FTCDNL1: variants seen among roughly 807,000 people sequenced by gnomAD.
FTCDNL1 encodes formiminotransferase cyclodeaminase N-terminal like, also known as formiminotransferase N-terminal subdomain-containing protein.
A neutral mutation model predicts 5.9 loss-of-function variants in FTCDNL1; 11 were observed. That is an observed-to-expected ratio of 1.87 (90% CI 1.18 to 3.10). The LOEUF (loss-of-function observed/expected upper bound fraction) is 3.10. Among genes scored for constraint, FTCDNL1 ranks in the 30% most tolerant of loss-of-function variants. The pLI, the probability that FTCDNL1 is intolerant of heterozygous loss-of-function variation, is 0.00. For missense variants in FTCDNL1, 115 were observed against 65.5 expected, an observed-to-expected ratio of 1.76 and a Z score of -2.61; for synonymous variants, 58 against 24.8, an observed-to-expected ratio of 2.34 and a Z score of -3.99.
chr2:199,698,230 G>A, the FTCDNL1 span, among the ~76,000 whole-genome samples: 1 of 152,036 alleles, frequency 6.6e-6, no homozygotes, highest in Admixed American at 6.6e-5. Context: ...TATCACTGAA[G>A]CAGAATACTA....
chr2:199,715,589 C>T, the FTCDNL1 span, among the ~76,000 whole-genome samples: 1 of 152,140 alleles, frequency 6.6e-6, no homozygotes, highest in Non-Finnish European at 1.5e-5. Context: ...ATTACCCAGT[C>T]TCGGGTATTT....
chr2:199,687,654 G>T, the FTCDNL1 span, among the ~76,000 whole-genome samples: 3 of 151,966 alleles, frequency 2.0e-5, no homozygotes, highest in African/African-American at 7.3e-5. Context: ...ATGGCCCAGG[G>T]ATAGTTTTTC....
intron 3 of FTCDNL1, among the ~76,000 whole-genome samples, chr2:199,788,349 G>C (rs757873135): frequency 6.6e-6 from 1 of 152,080 alleles, no homozygotes; most frequent in Non-Finnish European, 1.5e-5. Context: ...TATTTTTTTA[G>C]TAGATATTTT....
At chr2:199,788,796 C>T (rs982570511) in intron 3 of FTCDNL1, among the ~76,000 whole-genome samples, 2 of 151,578 alleles carry the variant, frequency 1.3e-5, no homozygotes, top group Non-Finnish European at 2.9e-5. Context: ...GACTCACAAG[C>T]CTGATTAAAG....
At chr2:199,825,029 T>G (rs750639480) in intron 3 of FTCDNL1, among the ~76,000 whole-genome samples, 1 of 151,620 alleles carries the variant, frequency 6.6e-6, no homozygotes, top group Non-Finnish European at 1.5e-5. Context: ...TGCCAGCTAC[T>G]TGGGAGGCTG....
chr2:199,799,956 C>T (rs945885643), intron 3 of FTCDNL1, among the ~76,000 whole-genome samples: 2 of 152,086 alleles, frequency 1.3e-5, no homozygotes, highest in Non-Finnish European at 2.9e-5. Flanking sequence ...CCAGAGTTTC[C>T]ATGCTGTAGG....
At chr2:199,724,943 A>AT in the FTCDNL1 span, among the ~76,000 whole-genome samples, 2 of 151,092 alleles carry the variant, frequency 1.3e-5, no homozygotes, top group Non-Finnish European at 2.9e-5. Context: ...ATCTTTAAAA[A>AT]ATTTTTTTTC....
At chr2:199,766,767 C>T (rs957621439) in intron 3 of FTCDNL1, among the ~76,000 whole-genome samples, 1 of 152,080 alleles carries the variant, frequency 6.6e-6, no homozygotes, top group South Asian at 2.1e-4. Context: ...AGAAAGTACT[C>T]TCTATTGATC....
intron 3 of FTCDNL1, among the ~76,000 whole-genome samples, chr2:199,839,062 C>T (rs1322910759): frequency 6.6e-6 from 1 of 152,026 alleles, no homozygotes; most frequent in Non-Finnish European, 1.5e-5. Context: ...CTACAGTTGA[C>T]AAACCCCACC....
the FTCDNL1 span, among the ~76,000 whole-genome samples, chr2:199,682,131 G>GATGAGATTA: frequency 3.9e-5 from 6 of 152,134 alleles, no homozygotes; most frequent in Non-Finnish European, 7.3e-5. Context: ...GTTATTTTTA[G>GATGAGATTA]ATGAGATTAA....
the FTCDNL1 span, among the ~76,000 whole-genome samples, chr2:199,728,220 C>A: frequency 4.0e-5 from 6 of 151,896 alleles, no homozygotes; most frequent in Non-Finnish European, 8.8e-5. Flanking sequence ...TAAAGTTGTG[C>A]ATCAACTACA....
chr2:199,827,989 T>C (rs1348784714), intron 3 of FTCDNL1, among the ~76,000 whole-genome samples: 1 of 152,214 alleles, frequency 6.6e-6, no homozygotes, highest in East Asian at 1.9e-4. Flanking sequence ...TTATTCTCGT[T>C]ACAATGAAGA....
chr2:199,710,164 G>A, the FTCDNL1 span, among the ~76,000 whole-genome samples: 1 of 152,242 alleles, frequency 6.6e-6, no homozygotes, highest in Non-Finnish European at 1.5e-5. Flanking sequence ...CCATAAAGAA[G>A]TGTCTTTTTC....
chr2:199,794,269 A>C (rs1453630092), intron 3 of FTCDNL1, among the ~76,000 whole-genome samples: 1 of 152,224 alleles, frequency 6.6e-6, no homozygotes, highest in African/African-American at 2.4e-5. Flanking sequence ...GTGGGCTGGC[A>C]ATATTTGCAT....
rs1056282102 is a variant in FTCDNL1 at position 199,812,075 on chromosome 2, C to T, written c.*630G>A. Among the ~76,000 whole-genome samples the T allele has an allele frequency of 4.6e-5, 7 of 152,130 alleles. No homozygotes were observed. The highest frequency in any genetic ancestry group is 1.4e-4 in the African/African-American group (6 of 41,492). On this transcript the variant is annotated 3_prime_UTR_variant, in exon 5 of 5. Coordinates refer to ENST00000420128, the MANE Select transcript of FTCDNL1 (RefSeq NM_001363886.2). The stretch of plus-strand genomic sequence containing the variant: ...ACAGAATAATCATTTTTCAAACAGA[C>T]CCTTGTTATATGTATTTTAAATTCT...
the FTCDNL1 span, among the ~76,000 whole-genome samples, chr2:199,671,771 A>C: frequency 4.3e-4 from 65 of 152,196 alleles, no homozygotes; most frequent in African/African-American, 1.2e-3. Flanking sequence ...TTGGCCAGGA[A>C]TTGTTTCTGT....
chr2:199,701,895 C>T, the FTCDNL1 span, among the ~76,000 whole-genome samples: 2 of 151,882 alleles, frequency 1.3e-5, no homozygotes, highest in African/African-American at 2.4e-5. Flanking sequence ...GTTAGCCTGG[C>T]GTGATGGTGC....
At chr2:199,756,155 G>T (rs1698066841), downstream of FTCDNL1, among the ~76,000 whole-genome samples, 1 of 152,086 alleles carries the variant, frequency 6.6e-6, no homozygotes, top group African/African-American at 2.4e-5. Context: ...GTAATATGAG[G>T]TGTCCTCAAC....
chr2:199,690,103 G>A, the FTCDNL1 span, among the ~76,000 whole-genome samples: 1 of 152,238 alleles, frequency 6.6e-6, no homozygotes, highest in South Asian at 2.1e-4. Flanking sequence ...ATACATATAT[G>A]TGCATATAGA....
Sources: gnomAD v4.1 joint callset for allele counts (sites outside exome capture counted in the v4.1 genomes callset) on GRCh38, gnomAD v4.1.1 for gene constraint, MANE v1.5 for transcripts, NCBI Gene and HGNC (gene_info 2026-07-23, HGNC 2026-07-21) for gene names.